The following MRPL43 variants were observed in gnomAD, a reference collection of about 807,000 sequenced individuals.
MRPL43 encodes the protein mitochondrial ribosomal protein L43, also known as large ribosomal subunit protein mL43.
MRPL43 carries 9 observed loss-of-function variants against 12.7 expected under a neutral mutation model. The observed-to-expected ratio is 0.71, with a 90% CI of 0.43 to 1.24. MRPL43 has a LOEUF of 1.24. Ranked by LOEUF, MRPL43 falls within the 50% of genes most tolerant of loss-of-function variation. The probability of loss-of-function intolerance (pLI) is 0.00; values close to 1 mark genes in which losing one functional copy is unlikely to be tolerated. For synonymous variants in MRPL43, 116 were observed against 96.4 expected (o/e 1.20, Z -1.19); for missense variants, 211 against 229.2 (o/e 0.92, Z 0.51).
At chr10:100,979,527 CGT>C (rs1850956463), downstream of MRPL43, among the ~76,000 whole-genome samples, 1 of 151,916 alleles carries the variant, frequency 6.6e-6, no homozygotes, top group Admixed American at 6.5e-5. Context: ...GGACTATAGG[CGT>C]GTGCCACCAC....
chr10:100,979,712 A>C, downstream of MRPL43: 1 of 988,920 alleles, frequency 1.0e-6, no homozygotes, highest in Non-Finnish European at 1.5e-6. Flanking sequence ...GCAGTGGTCC[A>C]CTGACTCACA....
At chr10:100,985,472 AT>A (rs1245235656), downstream of MRPL43, 1 of 152,672 alleles carries the variant, frequency 6.5e-6, no homozygotes, top group Non-Finnish European at 1.5e-5. Context: ...CCCACAATGA[AT>A]GTATTTATTG....
chr10:100,978,938 C>T (rs898907623), downstream of MRPL43: 25 of 1,613,940 alleles, frequency 1.5e-5, no homozygotes, highest in Middle Eastern at 1.6e-4. Flanking sequence ...CTTCACGGAG[C>T]GTGCCACTGA....
chr10:100,979,317 G>C, downstream of MRPL43: 1 of 1,614,156 alleles, frequency 6.2e-7, no homozygotes, highest in South Asian at 1.1e-5. Context: ...GGACAGCATA[G>C]GGGCTGGAGC....
chr10:100,979,349 A>ACT, downstream of MRPL43: 1 of 1,613,298 alleles, frequency 6.2e-7, no homozygotes, highest in South Asian at 1.1e-5. Flanking sequence ...AGGATGAGAT[A>ACT]GGATCCACTG....
downstream of MRPL43, among the ~76,000 whole-genome samples, chr10:100,982,189 G>A (rs185237087): frequency 6.6e-4 from 101 of 152,002 alleles, no homozygotes; most frequent in African/African-American, 2.4e-3. Flanking sequence ...GAGGACATGG[G>A]GTAATGGGGT....
downstream of MRPL43, chr10:100,984,548 G>A: frequency 2.6e-6 from 4 of 1,536,174 alleles, no homozygotes; most frequent in Non-Finnish European, 3.5e-6. Flanking sequence ...GGCCCTGTGT[G>A]CTGGATGGTC....
At chr10:100,983,160 C>T, downstream of MRPL43, 1 of 1,001,430 alleles carries the variant, frequency 1.0e-6, no homozygotes, top group Non-Finnish European at 1.4e-6. Flanking sequence ...TCTGTGGAAG[C>T]ATGAGCACAG....
chr10:100,980,690 G>A, downstream of MRPL43: 1 of 1,612,784 alleles, frequency 6.2e-7, no homozygotes, highest in East Asian at 2.2e-5. Context: ...TCTCTCTATT[G>A]CAGGTAGCCC....
At chr10:100,982,379 AAT>A (rs1851137337), downstream of MRPL43, among the ~76,000 whole-genome samples, 1 of 152,242 alleles carries the variant, frequency 6.6e-6, no homozygotes, top group South Asian at 2.1e-4. Flanking sequence ...GTGTTTTTAA[AAT>A]ACCTCTCATG....
downstream of MRPL43, chr10:100,984,937 A>AAC: frequency 7.0e-7 from 1 of 1,436,688 alleles, no homozygotes; most frequent in South Asian, 1.5e-5. Context: ...CACATGTGGT[A>AAC]ACACACACCT....
downstream of MRPL43, chr10:100,984,780 T>C (rs2133912278): frequency 6.5e-7 from 1 of 1,535,956 alleles, no homozygotes; most frequent in Non-Finnish European, 8.7e-7. Context: ...TGTCAAGAGC[T>C]TGGGAACGGG....
chr10:100,984,181 G>C (rs1851301714), downstream of MRPL43: 11 of 1,552,358 alleles, frequency 7.1e-6, no homozygotes, highest in East Asian at 2.2e-4. Flanking sequence ...ATCTGTCCCA[G>C]GCTGGGCCAC....
At position 100,986,537 on chromosome 10, in the gene MRPL43, A is replaced by G; in HGVS notation, c.*197T>C. 1.3e-6 allele frequency: 2 copies of G among 1,555,016 alleles called. No homozygotes were observed. Among genetic ancestry groups the G allele is most frequent in the Non-Finnish European group, 8.7e-7 (1 of 1,149,032 alleles). On this transcript the variant is annotated 3_prime_UTR_variant, in exon 3 of 3. Coordinates refer to ENST00000318364, the MANE Select transcript of MRPL43 (RefSeq NM_032112.3). Reference sequence around the variant, plus strand: ...TAGGGATGCCACTTGCATAAAAATGAGTGGTTCACAAGGTCACTGCCCCCA... The same window carrying G: ...TAGGGATGCCACTTGCATAAAAATGGGTGGTTCACAAGGTCACTGCCCCCA...
downstream of MRPL43, chr10:100,983,974 G>A (rs757591403): frequency 1.3e-5 from 18 of 1,430,492 alleles, no homozygotes; most frequent in African/African-American, 6.1e-5. Context: ...CTGCCCAGCC[G>A]GCTGCGGAGG....
chr10:100,987,245 C>T (rs751851459), intron 1 of MRPL43, 49 bp from the exon 2 acceptor site: 1 of 1,612,558 alleles, frequency 6.2e-7, no homozygotes, highest in African/African-American at 1.3e-5. Flanking sequence ...TGGGGGCGAC[C>T]TACCCGGGGA....
intron 1 of MRPL43, 46 bp from the exon 2 acceptor site, chr10:100,987,242 G>C: frequency 1.9e-6 from 3 of 1,612,626 alleles, no homozygotes; most frequent in Non-Finnish European, 2.5e-6. Flanking sequence ...GACTGGGGGC[G>C]ACCTACCCGG....
chr10:100,980,404 A>T, downstream of MRPL43: 1 of 1,520,842 alleles, frequency 6.6e-7, no homozygotes, highest in Non-Finnish European at 9.1e-7. Flanking sequence ...TTCTGAATCC[A>T]TTAATTCCTG....
downstream of MRPL43, chr10:100,984,432 G>A: frequency 2.0e-6 from 3 of 1,492,204 alleles, no homozygotes; most frequent in South Asian, 3.9e-5. Flanking sequence ...ACACTTATAG[G>A]TGAGGACTCC....
Sources: gnomAD v4.1 joint callset for allele counts (sites outside exome capture counted in the v4.1 genomes callset) on GRCh38, gnomAD v4.1.1 for gene constraint, MANE v1.5 for transcripts, NCBI Gene and HGNC (gene_info 2026-07-23, HGNC 2026-07-21) for gene names.